The following NRP2 variants were observed in gnomAD, a reference collection of about 807,000 sequenced individuals.
NRP2 encodes the protein neuropilin-2.
A neutral mutation model predicts 110.4 loss-of-function variants in NRP2; 52 were observed. The ratio of observed to expected loss-of-function variants is 0.47; its 90% CI spans 0.38 to 0.59. The LOEUF is 0.59. Ranked by LOEUF, NRP2 falls within the 20% of genes least tolerant of loss-of-function variation. The pLI is 0.00. For synonymous variants in NRP2, 508 were observed against 468.9 expected, an observed-to-expected ratio of 1.08 and a Z score of -1.08; for missense variants, 1,049 against 1,203.0, an observed-to-expected ratio of 0.87 and a Z score of 1.89.
intron 2 of NRP2, among the ~76,000 whole-genome samples, chr2:205,715,227 G>T (rs2056871020): frequency 6.6e-6 from 1 of 152,088 alleles, no homozygotes; most frequent in Admixed American, 6.5e-5. Flanking sequence ...GCACATACCG[G>T]GGCTGGAAAA....
At chr2:205,688,986 G>A (rs964825943) in intron 1 of NRP2, among the ~76,000 whole-genome samples, 1 of 152,226 alleles carries the variant, frequency 6.6e-6, no homozygotes, top group Non-Finnish European at 1.5e-5. Context: ...GGGCCAGGAT[G>A]ACAAGGAGCT....
chr2:205,700,639 G>A (rs1388065107), intron 2 of NRP2: 7 of 505,132 alleles, frequency 1.4e-5, no homozygotes, highest in South Asian at 4.4e-5. Flanking sequence ...AGGTTGAGAC[G>A]GTTGCTGAGT....
At chr2:205,793,979 A>G (rs17478455) in intron 16 of NRP2, among the ~76,000 whole-genome samples, 1 of 152,174 alleles carries the variant, frequency 6.6e-6, no homozygotes, top group Non-Finnish European at 1.5e-5. Flanking sequence ...CTGTCCTTTC[A>G]TTAGCTTGAG....
intron 2 of NRP2, among the ~76,000 whole-genome samples, chr2:205,699,073 G>T (rs2056498578): frequency 6.6e-6 from 1 of 152,148 alleles, no homozygotes; most frequent in Non-Finnish European, 1.5e-5. Flanking sequence ...AAAACCAAAG[G>T]GTTTCCCGGA....
At chr2:205,785,035 A>G (rs1428278648) in intron 15 of NRP2, among the ~76,000 whole-genome samples, 2 of 152,224 alleles carry the variant, frequency 1.3e-5, no homozygotes, top group South Asian at 2.1e-4. Context: ...TCACAGAGTC[A>G]TTCATTCTCA....
At chr2:205,742,224 C>A (rs528897423) in intron 8 of NRP2, among the ~76,000 whole-genome samples, 10 of 152,328 alleles carry the variant, frequency 6.6e-5, no homozygotes, top group Non-Finnish European at 1.2e-4. Context: ...TGACTATAGA[C>A]CCTGCCTTGC....
intron 12 of NRP2, among the ~76,000 whole-genome samples, chr2:205,760,042 G>A (rs563180484): frequency 2.0e-5 from 3 of 152,310 alleles, no homozygotes; most frequent in East Asian, 1.9e-4. Context: ...CAAATCCTAC[G>A]TCACTCCAAT....
chr2:205,770,475 A>C (rs560738228), intron 15 of NRP2, among the ~76,000 whole-genome samples: 6 of 150,874 alleles, frequency 4.0e-5, no homozygotes, highest in Non-Finnish European at 8.9e-5. Flanking sequence ...CAATCTCTGC[A>C]TTTTGCACCC....
Position 205,744,628 on chromosome 2 carries a change from C to A in NRP2, c.1641+1076C>A, listed in dbSNP as rs777544384. On this transcript the variant is annotated intron_variant, in intron 9 of 16. Transcript: ENST00000357785. ...GCAGGCCAGGCTCTCTGATTCTTATCTCTAGTTACCCCTTGTTTTTCTCAA... is the reference window on the plus strand; with the variant it reads ...GCAGGCCAGGCTCTCTGATTCTTATATCTAGTTACCCCTTGTTTTTCTCAA... 4.6e-5 allele frequency among the ~76,000 whole-genome samples: 7 copies of A among 152,212 alleles called. 1 individual carries two copies. Among genetic ancestry groups the A allele is most frequent in the Non-Finnish European group, 1.0e-4 (7 of 68,036 alleles).
chr2:205,733,091 A>G (rs566373303), intron 7 of NRP2, among the ~76,000 whole-genome samples: 60 of 152,310 alleles, frequency 3.9e-4, no homozygotes, highest in South Asian at 2.5e-3. Context: ...ATGGAGAAGG[A>G]TCCAGTGCCC....
chr2:205,782,208 C>T (rs1326050244), intron 15 of NRP2, among the ~76,000 whole-genome samples: 3 of 152,106 alleles, frequency 2.0e-5, no homozygotes, highest in Non-Finnish European at 4.4e-5. Flanking sequence ...TGTTCTTGGC[C>T]TTTTCTGCCA....
At chr2:205,774,924 A>G (rs1217697912) in intron 15 of NRP2, among the ~76,000 whole-genome samples, 1 of 152,034 alleles carries the variant, frequency 6.6e-6, no homozygotes, top group Non-Finnish European at 1.5e-5. Flanking sequence ...GGAGCTCTGA[A>G]TCTTAGGGTG....
intron 9 of NRP2, among the ~76,000 whole-genome samples, chr2:205,744,428 CCT>C (rs2057501233): frequency 6.6e-6 from 1 of 152,190 alleles, no homozygotes; most frequent in African/African-American, 2.4e-5. Flanking sequence ...ATCTTTCCGG[CCT>C]CTCAGACTGA....
At chr2:205,721,326 T>C (rs932591068) in intron 3 of NRP2, among the ~76,000 whole-genome samples, 2 of 152,194 alleles carry the variant, frequency 1.3e-5, no homozygotes, top group African/African-American at 4.8e-5. Flanking sequence ...GTGTCTATTA[T>C]CCTCCTCAAA....
intron 3 of NRP2, 133 bp from the exon 4 acceptor site, chr2:205,722,345 A>G: frequency 2.7e-6 from 2 of 741,072 alleles, no homozygotes; most frequent in Non-Finnish European, 2.4e-6. Context: ...ATGTTGCTTC[A>G]AGGGCCACTC....
intron 13 of NRP2, chr2:205,764,256 C>A (rs2057874219): frequency 2.7e-6 from 1 of 372,790 alleles, no homozygotes; most frequent in Non-Finnish European, 5.0e-6. Flanking sequence ...CACAAACAAA[C>A]CCTCCACACA....
chr2:205,752,796 T>G, intron 11 of NRP2, 39 bp from the exon 12 acceptor site: 3 of 1,612,408 alleles, frequency 1.9e-6, no homozygotes, highest in Non-Finnish European at 2.5e-6. Flanking sequence ...TGAACCCATT[T>G]CATTTGCCTT....
intron 4 of NRP2, 143 bp downstream of exon 4, chr2:205,722,851 A>T: frequency 2.9e-6 from 2 of 692,346 alleles, no homozygotes; most frequent in East Asian, 2.7e-5. Flanking sequence ...CTTCCCCTTC[A>T]CTAAGGATAG....
intron 15 of NRP2, chr2:205,776,689 T>C (rs1273799858): frequency 1.0e-4 from 154 of 1,512,858 alleles, no homozygotes; most frequent in Non-Finnish European, 1.3e-4. Flanking sequence ...ACCATCCTCC[T>C]TGGGTTCATT....
Sources: gnomAD v4.1 joint callset for allele counts (sites outside exome capture counted in the v4.1 genomes callset) on GRCh38, gnomAD v4.1.1 for gene constraint, MANE v1.5 for transcripts, NCBI Gene and HGNC (gene_info 2026-07-23, HGNC 2026-07-21) for gene names.